The following RGSL1 variants were observed in gnomAD, a reference collection of about 807,000 sequenced individuals.
RGSL1 encodes the protein regulator of G protein signaling like 1, also known as regulator of G protein signaling protein-like.
Under a neutral mutation model 124.7 loss-of-function variants are expected in RGSL1, and 97 were observed. That is an observed-to-expected ratio of 0.78 (90% CI 0.66 to 0.92). The LOEUF is 0.92. Among genes scored for constraint, RGSL1 ranks in the 40% least tolerant of loss-of-function variants. The pLI is 0.00. For missense variants in RGSL1, 1,233 were observed against 1,288.4 expected (o/e 0.96, Z 0.66); for synonymous variants, 424 against 438.1 (o/e 0.97, Z 0.40).
intron 6 of RGSL1, among the ~76,000 whole-genome samples, chr1:182,479,210 T>G (rs1056442539): frequency 6.6e-6 from 1 of 152,192 alleles, no homozygotes; most frequent in Non-Finnish European, 1.5e-5. Context: ...TGTAATATTG[T>G]GATAAAGGTA....
chr1:182,517,953 G>A (rs138299055), intron 9 of RGSL1, among the ~76,000 whole-genome samples: 1 of 152,150 alleles, frequency 6.6e-6, no homozygotes, highest in South Asian at 2.1e-4. Flanking sequence ...GTCTACGTAT[G>A]TGTCTTTGCA....
At chr1:182,472,112 T>C (rs1187202602) in intron 4 of RGSL1, among the ~76,000 whole-genome samples, 2 of 152,176 alleles carry the variant, frequency 1.3e-5, no homozygotes, top group Non-Finnish European at 2.9e-5. Context: ...AATTACTTCA[T>C]AATCCTCCCC....
rs1045959622 is a variant in RGSL1 at position 182,460,527 on chromosome 1, C to T, written c.301+394C>T. ...CCAACAGATTTCACCACCTTCATTA[C>T]TACCAACTGGTTTAAGCCTCCAGAA... On this transcript the variant is annotated intron_variant, in intron 4 of 21. Coordinates refer to ENST00000294854, the MANE Select transcript of RGSL1 (RefSeq NM_001137669.2). The T allele has an allele frequency of 4.0e-5, 16 of 400,248 alleles. 2 individuals carry two copies. The highest frequency in any genetic ancestry group is 1.4e-4 in the East Asian group (2 of 14,124). 24.8% of individuals were successfully genotyped at this position (400,248 alleles called of 1,614,324 possible). A position where few individuals can be genotyped will look rare whatever the true frequency, so the allele number is the denominator to read the frequency against.
At position 182,508,243 on chromosome 1, in the gene RGSL1, G is replaced by A. The variant is rs113006240; in HGVS notation, c.1826-13761G>A. Among the ~76,000 whole-genome samples, 625 of 147,134 alleles carry A rather than the reference G, an allele frequency of 4.2e-3. 4 individuals are homozygous for A. The highest frequency in any genetic ancestry group is 0.015 in the African/African-American group (594 of 39,596). On this transcript the variant is annotated intron_variant, in intron 9 of 21. Coordinates refer to ENST00000294854, the MANE Select transcript of RGSL1 (RefSeq NM_001137669.2). ...ATTTTAACTAGGACGAGATCATATC[G>A]CATTGTAATTTTGTTGGTGGTGGTG...
At chr1:182,508,100 T>G (rs1046085323) in intron 9 of RGSL1, among the ~76,000 whole-genome samples, 2 of 152,114 alleles carry the variant, frequency 1.3e-5, no homozygotes, top group Non-Finnish European at 2.9e-5. Context: ...CCGAGAAACC[T>G]CCATACTATT....
chr1:182,509,808 C>T lies in RGSL1; in HGVS notation c.1826-12196C>T, dbSNP rs1480263530. On this transcript the variant is annotated intron_variant, in intron 9 of 21. Transcript: ENST00000294854. ...CTCCCGGATGGGGCGGCTGGCCGGG[C>T]GGGGGGCTGACCCCCCCCCACCTCC... is the stretch of plus-strand genomic sequence containing the variant. 1.9e-4 allele frequency among the ~76,000 whole-genome samples: 20 copies of T among 106,006 alleles called. No homozygotes were observed. In the South Asian group the frequency reaches 2.1e-3, roughly 11 times the overall value. The allele number at this position is 106,006 out of a possible 152,430, so 69.5% of individuals were successfully genotyped here.
chr1:182,559,823 C>T (rs895381072), intron 21 of RGSL1, among the ~76,000 whole-genome samples: 5 of 152,164 alleles, frequency 3.3e-5, no homozygotes, highest in Admixed American at 6.5e-5. Flanking sequence ...CTCCTGATTC[C>T]CCTTTCTCCT....
intron 9 of RGSL1, among the ~76,000 whole-genome samples, chr1:182,508,293 T>C (rs1046452877): frequency 1.5e-5 from 2 of 132,528 alleles, no homozygotes; most frequent in East Asian, 4.3e-4. Context: ...TGGTGGTGTT[T>C]TTTTTTTTTT....
intron 11 of RGSL1, among the ~76,000 whole-genome samples, chr1:182,529,321 A>T (rs1419953722): frequency 6.6e-6 from 1 of 152,216 alleles, no homozygotes; most frequent in Non-Finnish European, 1.5e-5. Context: ...AATTCAAGTC[A>T]TTTGACCATT....
chr1:182,557,865 G>A (rs1409692439), intron 21 of RGSL1, among the ~76,000 whole-genome samples: 2 of 152,186 alleles, frequency 1.3e-5, no homozygotes, highest in Admixed American at 1.3e-4. Context: ...ATGCCAGTTA[G>A]TCTAGTGTCA....
intron 9 of RGSL1, among the ~76,000 whole-genome samples, chr1:182,497,242 G>A (rs757064367): frequency 2.0e-5 from 3 of 150,378 alleles, no homozygotes; most frequent in Non-Finnish European, 4.4e-5. Context: ...TAGATAGATA[G>A]ATAGATAGAT....
chr1:182,554,717 T>C, intron 20 of RGSL1, 24 bp downstream of exon 20: 1 of 1,550,528 alleles, frequency 6.4e-7, no homozygotes, highest in Non-Finnish European at 8.7e-7. Context: ...GGAAATCCTC[T>C]TCTTCAGTCC....
Position 182,530,797 on chromosome 1 carries a change from G to A in RGSL1, c.2251G>A (p.Asp751Asn). 1 of 1,538,598 alleles carries A rather than the reference G, an allele frequency of 6.5e-7. No individual in the cohort carries two copies. ...CTGATGTCCTTCTGACAGGTTTAAA[G>A]ATTATCAAGACCTGTTCCCACCTCA... Reference protein sequence around the residue: ...MKSIEEKWFKDYQDLFPPHHQ... With the variant: ...MKSIEEKWFKNYQDLFPPHHQ... The change falls in exon 13 of 22, where the codon GAT becomes AAT. Residue 751 changes from aspartate to asparagine, a missense_variant. Transcript: ENST00000294854.
intron 1 of RGSL1, chr1:182,453,362 ACC>A (rs1652004191): frequency 6.6e-6 from 1 of 152,362 alleles, no homozygotes; most frequent in African/African-American, 2.4e-5. Flanking sequence ...CCCAAAGCTA[ACC>A]CCACTTCAGG....
At chr1:182,506,952 C>CTA (rs1656851609) in intron 9 of RGSL1, among the ~76,000 whole-genome samples, 2 of 147,318 alleles carry the variant, frequency 1.4e-5, no homozygotes, top group African/African-American at 2.5e-5. Flanking sequence ...TTGTTGTAAG[C>CTA]TATATTGCTA....
At chr1:182,508,290 GTTTTTTTTTT>G (rs58641894) in intron 9 of RGSL1, among the ~76,000 whole-genome samples, 1 of 53,784 alleles carries the variant, frequency 1.9e-5, no homozygotes, top group Non-Finnish European at 3.1e-5. Context: ...TGGTGGTGGT[GTTTTTTTTTT>G]TTTTTTTTTT....
chr1:182,530,345 T>C lies in RGSL1; in HGVS notation c.2227T>C (p.Ser743Pro). Reference protein sequence around the residue: ...LLTLQGHVMKSIEEKWFKDYQ... With the variant: ...LLTLQGHVMKPIEEKWFKDYQ... ...AACGCTCCAGGGACATGTTATGAAATCTATAGAAGAAAAGTGGTGAGTATA... is the reference window on the plus strand; with the variant it reads ...AACGCTCCAGGGACATGTTATGAAACCTATAGAAGAAAAGTGGTGAGTATA... Residue 743 changes from serine (S) to proline (P), a missense_variant, in exon 12 of 22, where the codon TCT becomes CCT. By Grantham distance (74) the Ser-to-Pro change is moderately conservative (BLOSUM62 -1). Transcript: ENST00000294854. The C allele has an allele frequency of 6.4e-7, 1 of 1,550,480 alleles. No homozygotes were observed. Among genetic ancestry groups the C allele is most frequent in the Non-Finnish European group, 8.7e-7 (1 of 1,146,262 alleles).
chr1:182,464,462 G>A lies in RGSL1; in HGVS notation c.301+4329G>A, dbSNP rs146370705. 5.9e-5 allele frequency among the ~76,000 whole-genome samples: 9 copies of A among 152,270 alleles called. 1 individual carries two copies. In the South Asian group the frequency reaches 8.3e-4, roughly 14 times the overall value. ...AGACTGGCCGGGGGTGGTGGCTCAC[G>A]CCTGTAATCCCAGCACTTTGGGAGG... On this transcript the variant is annotated intron_variant, in intron 4 of 21. Coordinates refer to ENST00000294854, the MANE Select transcript of RGSL1 (RefSeq NM_001137669.2).
chr1:182,480,017 C>T (rs948098706), intron 6 of RGSL1, among the ~76,000 whole-genome samples: 1 of 152,146 alleles, frequency 6.6e-6, no homozygotes, highest in African/African-American at 2.4e-5. Context: ...AGAACTTAAT[C>T]TTCTATTATT....
Sources: allele counts gnomAD v4.1 joint callset (sites outside exome capture counted in the v4.1 genomes callset), GRCh38; gene constraint gnomAD v4.1.1; transcripts MANE v1.5; gene names NCBI Gene and HGNC (gene_info 2026-07-23, HGNC 2026-07-21).